The following BANP variants were observed in gnomAD, a reference collection of about 807,000 sequenced individuals.
The protein encoded by BANP is protein BANP.
BANP carries 11 observed loss-of-function variants against 68.1 expected under a neutral mutation model. The observed-to-expected ratio is 0.16, with a 90% confidence interval of 0.10 to 0.27. BANP has a LOEUF of 0.27. Ranked by LOEUF, BANP falls within the 10% of genes least tolerant of loss-of-function variation. The pLI is 1.00. For synonymous variants in BANP, 329 were observed against 303.2 expected (o/e 1.09, Z -0.88); for missense variants, 504 against 722.7 (o/e 0.70, Z 3.47).
chr16:87,970,197 T>A (rs2060866435), intron 1 of BANP: 1 of 152,254 alleles, frequency 6.6e-6, no homozygotes, highest in Non-Finnish European at 1.5e-5. Flanking sequence ...TGATTTTGAT[T>A]TTCCTATTTG....
chr16:88,063,381 C>A (rs147693832), intron 11 of BANP, among the ~76,000 whole-genome samples: 11 of 152,316 alleles, frequency 7.2e-5, no homozygotes, highest in Non-Finnish European at 1.6e-4. Flanking sequence ...CCACGTGGCC[C>A]GGCTCAGCGC....
At chr16:87,997,916 A>G (rs185819436) in intron 4 of BANP, among the ~76,000 whole-genome samples, 83 of 152,284 alleles carry the variant, frequency 5.5e-4, no homozygotes, top group Non-Finnish European at 1.0e-3. Flanking sequence ...ACTTTAAGTC[A>G]CCTTTAGTTT....
chr16:88,048,489 G>A (rs545028357), intron 11 of BANP, among the ~76,000 whole-genome samples: 2 of 152,102 alleles, frequency 1.3e-5, no homozygotes, highest in Admixed American at 6.5e-5. Context: ...CAGTATTCTC[G>A]GTATCGAGTC....
chr16:88,064,266 G>T lies in BANP; in HGVS notation c.1312-1001G>T, dbSNP rs543992892. On this transcript the variant is annotated intron_variant, in intron 11 of 13. Coordinates refer to ENST00000682872, the MANE Select transcript of BANP (RefSeq NM_001386991.1). The surrounding 1 kb of genome is among the most constrained non-coding windows in gnomAD (Gnocchi z 4.5). Reference sequence around the variant, plus strand: ...TGAGGCAGTTGTGCGTCCACGGCGGGGCCTGCCTCCGTGGCAGCGCTCCCA... The same window carrying T: ...TGAGGCAGTTGTGCGTCCACGGCGGTGCCTGCCTCCGTGGCAGCGCTCCCA... Among the ~76,000 whole-genome samples the T allele has an allele frequency of 3.2e-4, 48 of 152,284 alleles. No individual in the cohort carries two copies. Among genetic ancestry groups the T allele is most frequent in the African/African-American group, 1.1e-3 (45 of 41,554 alleles).
intron 4 of BANP, among the ~76,000 whole-genome samples, chr16:87,986,377 G>A (rs918891684): frequency 2.0e-5 from 3 of 152,192 alleles, no homozygotes; most frequent in Admixed American, 1.3e-4. Flanking sequence ...GTGATGGGGG[G>A]AGAGGTTCCT....
chr16:88,046,327 A>G (rs2082016904), intron 11 of BANP, among the ~76,000 whole-genome samples: 1 of 152,206 alleles, frequency 6.6e-6, no homozygotes, highest in Admixed American at 6.5e-5. Context: ...GAAAATGATG[A>G]CCAGGACGGA....
intron 12 of BANP, among the ~76,000 whole-genome samples, chr16:88,066,779 T>C (rs2088751986): frequency 6.6e-6 from 1 of 152,200 alleles, no homozygotes; most frequent in Non-Finnish European, 1.5e-5. Context: ...ACATTGCCTG[T>C]GTGTGTCTTT....
intron 7 of BANP, among the ~76,000 whole-genome samples, chr16:88,026,625 A>G (rs948179517): frequency 5.3e-5 from 8 of 152,150 alleles, no homozygotes; most frequent in Admixed American, 3.3e-4. Flanking sequence ...CAGAGTAACA[A>G]TACATACATG....
chr16:88,072,092 C>T lies in BANP; in HGVS notation c.1401C>T (p.Ile467=), dbSNP rs558710850. The part of the protein sequence containing the change: ...SGQVLQGAQL[I]AVASSDPAAA... ...AGGTGCTGCAGGGTGCACAGCTGAT[C>T]GCCGTGGCCTCCTCGGACCCCGCGG... is the stretch of plus-strand genomic sequence containing the variant. Residue 467 remains isoleucine (I), a synonymous_variant, in exon 13 of 14, where the codon ATC becomes ATT. Transcript: ENST00000682872. 35 of 1,590,834 alleles carry T rather than the reference C, an allele frequency of 2.2e-5. No individual in the cohort carries two copies. The East Asian group carries it at 3.9e-4, about 18-fold the overall frequency.
chr16:87,958,634 G>A (rs2058554332), intron 1 of BANP, among the ~76,000 whole-genome samples: 1 of 152,188 alleles, frequency 6.6e-6, no homozygotes, highest in Non-Finnish European at 1.5e-5. Flanking sequence ...ATTGGAGGCT[G>A]CAGGGCTGCA....
intron 10 of BANP, among the ~76,000 whole-genome samples, 167 bp downstream of exon 10, chr16:88,035,561 T>A (rs1002222931): frequency 6.6e-6 from 1 of 152,254 alleles, no homozygotes; most frequent in African/African-American, 2.4e-5. Context: ...GCCTGCAGTC[T>A]CTGTGGCCTC....
At chr16:88,061,631 T>C (rs1002285552) in intron 11 of BANP, among the ~76,000 whole-genome samples, 3 of 152,010 alleles carry the variant, frequency 2.0e-5, no homozygotes, top group African/African-American at 7.2e-5. Flanking sequence ...GGGGCATCAC[T>C]GGGATGAGCC....
At chr16:88,023,595 T>A (rs780707592) in intron 7 of BANP, among the ~76,000 whole-genome samples, 3 of 152,214 alleles carry the variant, frequency 2.0e-5, no homozygotes, top group Non-Finnish European at 4.4e-5. Flanking sequence ...TCTTCATTCC[T>A]TTGTGACTGA....
In BANP at chr16:88,057,545, T is replaced by C. The variant is rs970570541; in HGVS notation, c.1312-7722T>C. On this transcript the variant is annotated intron_variant, in intron 11 of 13. Coordinates refer to ENST00000682872, the MANE Select transcript of BANP (RefSeq NM_001386991.1). This position sits in a 1 kb window ranked among gnomAD's most constrained non-coding sequence, Gnocchi z 4.6. ...CACCCCTCAGGTCGCTTCATGCTGA[T>C]TCTGTTTAGGCCCCGGCTTTTCCCT... Among the ~76,000 whole-genome samples, 3 of 151,986 alleles carry C rather than the reference T, an allele frequency of 2.0e-5. No individual in the cohort carries two copies. Among genetic ancestry groups the C allele is most frequent in the Non-Finnish European group, 4.4e-5 (3 of 67,960 alleles).
intron 8 of BANP, among the ~76,000 whole-genome samples, chr16:88,029,717 G>A (rs928491892): frequency 6.6e-6 from 1 of 152,108 alleles, no homozygotes; most frequent in East Asian, 1.9e-4. Flanking sequence ...TTGTGTCTGT[G>A]AATCGGCTGT....
Position 88,057,885 on chromosome 16 carries a change from C to T in BANP, c.1312-7382C>T, listed in dbSNP as rs1334252265. Among the ~76,000 whole-genome samples, 1 of 152,016 alleles carries T rather than the reference C, an allele frequency of 6.6e-6. No individual in the cohort carries two copies. The highest frequency in any genetic ancestry group is 2.4e-5 in the African/African-American group (1 of 41,370). ...CGCAGCGAGCACTTTCCGGACAGTG[C>T]GGTGCGGGGCAGCGAGTGGCCGCCT... On this transcript the variant is annotated intron_variant, in intron 11 of 13. Transcript: ENST00000682872. The surrounding 1 kb of genome is among the most constrained non-coding windows in gnomAD (Gnocchi z 4.6).
intron 6 of BANP, among the ~76,000 whole-genome samples, chr16:88,006,725 G>A (rs1189570094): frequency 4.0e-5 from 6 of 151,706 alleles, no homozygotes; most frequent in African/African-American, 1.5e-4. Context: ...AGGCTGAGGC[G>A]GGTGGATCAT....
intron 11 of BANP, among the ~76,000 whole-genome samples, chr16:88,045,637 G>A (rs1045763800): frequency 5.3e-5 from 8 of 152,186 alleles, no homozygotes; most frequent in Admixed American, 1.3e-4. Context: ...AGAGGTGGGG[G>A]AGCCTGTGAG....
chr16:87,975,683 C>T (rs1021285212), intron 2 of BANP, among the ~76,000 whole-genome samples: 10 of 150,822 alleles, frequency 6.6e-5, no homozygotes, highest in African/African-American at 2.5e-4. Flanking sequence ...CGTCATGGAA[C>T]CTTACCATGT....
Sources: gnomAD v4.1 joint callset for allele counts (sites outside exome capture counted in the v4.1 genomes callset) on GRCh38, gnomAD v4.1.1 for gene constraint, Gnocchi (gnomAD v3.1) non-coding constraint, MANE v1.5 for transcripts, NCBI Gene and HGNC (gene_info 2026-07-23, HGNC 2026-07-21) for gene names.